EZH2: variants seen among roughly 807,000 people sequenced by gnomAD.
The protein encoded by EZH2 is histone-lysine N-methyltransferase EZH2.
Under a neutral mutation model 98.4 loss-of-function variants are expected in EZH2, and 18 were observed. That is an observed-to-expected ratio of 0.18 (90% CI 0.13 to 0.27). The LOEUF is 0.27. EZH2 is among the 10% of genes least tolerant of loss of function. The pLI, the probability that EZH2 is intolerant of heterozygous loss-of-function variation, is 1.00. For missense variants in EZH2, 470 were observed against 935.1 expected, an observed-to-expected ratio of 0.50 and a Z score of 6.49; for synonymous variants, 338 against 312.3, an observed-to-expected ratio of 1.08 and a Z score of -0.87.
rs779600590 is a variant in EZH2 at position 148,822,507 on chromosome 7, CAA to C, written c.908-2822_908-2821del. 2.1e-3 allele frequency among the ~76,000 whole-genome samples: 225 copies of C among 108,126 alleles called. 3 individuals are homozygous for C. Among genetic ancestry groups the C allele is most frequent in the African/African-American group, 6.9e-3 (200 of 29,022 alleles). The allele number at this position is 108,126 out of a possible 152,430, so 70.9% of individuals were successfully genotyped here. On this transcript the variant is annotated intron_variant, in intron 8 of 19. Coordinates refer to ENST00000320356, the MANE Select transcript of EZH2 (RefSeq NM_004456.5). ...CCTGAGCGACAGAGCAAGACTGTCT[CAA>C]AAAAAAAAAAAAGTTTAAACTTTGC...
At chr7:148,825,339 A>G (rs1372405933) in intron 8 of EZH2, among the ~76,000 whole-genome samples, 1 of 152,262 alleles carries the variant, frequency 6.6e-6, no homozygotes, top group Non-Finnish European at 1.5e-5. Flanking sequence ...AAATCAATTT[A>G]AACTAGATGA....
chr7:148,825,906 A>G (rs1807548587), intron 8 of EZH2, among the ~76,000 whole-genome samples: 1 of 152,220 alleles, frequency 6.6e-6, no homozygotes, highest in African/African-American at 2.4e-5. Flanking sequence ...CACATTCCCT[A>G]GAAATGCCAG....
At chr7:148,808,119 C>T (rs570043847) in intron 19 of EZH2, among the ~76,000 whole-genome samples, 6 of 152,302 alleles carry the variant, frequency 3.9e-5, no homozygotes, top group East Asian at 1.9e-4. Flanking sequence ...AAGAGCAGCC[C>T]GCCAGTTGCT....
At chr7:148,861,973 A>AGC (rs982753017) in intron 1 of EZH2, among the ~76,000 whole-genome samples, 10 of 152,204 alleles carry the variant, frequency 6.6e-5, no homozygotes, top group African/African-American at 2.2e-4. Context: ...AAACATACTT[A>AGC]GCTTAGAAAA....
intron 1 of EZH2, among the ~76,000 whole-genome samples, chr7:148,860,980 T>A (rs1053692983): frequency 1.3e-5 from 2 of 152,078 alleles, no homozygotes; most frequent in African/African-American, 4.8e-5. Context: ...GCCTGTTTTT[T>A]ATTTTTATTA....
At chr7:148,858,542 AG>A (rs1185784800) in intron 1 of EZH2, among the ~76,000 whole-genome samples, 1 of 151,976 alleles carries the variant, frequency 6.6e-6, no homozygotes, top group African/African-American at 2.4e-5. Flanking sequence ...TTTTTTTGGA[AG>A]GGACAAGGTC....
chr7:148,827,253 G>A lies in EZH2; in HGVS notation c.639C>T (p.Arg213=), dbSNP rs2129475810. The A allele has an allele frequency of 6.2e-7, 1 of 1,613,434 alleles. No individual in the cohort carries two copies. Among genetic ancestry groups the A allele is most frequent in the Non-Finnish European group, 8.5e-7 (1 of 1,179,724 alleles). ...TATCAGAAGGAAATTTCCGAGGTGGGCGGCTTTCTTTATCTAAACAGGAGA... is the reference window on the plus strand; with the variant it reads ...TATCAGAAGGAAATTTCCGAGGTGGACGGCTTTCTTTATCTAAACAGGAGA... The part of the protein sequence containing the change: ...LEDHRDDKES[R]PPRKFPSDKI... Residue 213 remains arginine, a synonymous_variant, in exon 7 of 20, where the codon CGC becomes CGT. Transcript: ENST00000320356.
In EZH2 at chr7:148,880,872, T is replaced by C. The variant is rs375754902; in HGVS notation, c.-8+3292A>G. 4.6e-5 allele frequency among the ~76,000 whole-genome samples: 7 copies of C among 152,320 alleles called. No individual in the cohort carries two copies. In the East Asian group the frequency reaches 9.6e-4, roughly 21 times the overall value. ...ACAGAGCCTCTACCAGGAGGCACTT[T>C]GACTGTAGGGAAGAGAGGGATGCAT... On this transcript the variant is annotated intron_variant, in intron 1 of 19. Coordinates refer to ENST00000320356, the MANE Select transcript of EZH2 (RefSeq NM_004456.5).
intron 1 of EZH2, among the ~76,000 whole-genome samples, chr7:148,850,725 T>C (rs1585187052): frequency 6.6e-6 from 1 of 152,168 alleles, no homozygotes; most frequent in East Asian, 1.9e-4. Flanking sequence ...CTGATAATTG[T>C]ACAGTAGTCC....
intron 9 of EZH2, 45 bp from the exon 10 acceptor site, chr7:148,818,162 C>A: frequency 6.7e-7 from 1 of 1,500,006 alleles, no homozygotes; most frequent in South Asian, 1.4e-5. Flanking sequence ...TTCTAAAACT[C>A]ATTTTGATGG....
At chr7:148,830,015 C>CT (rs1459815394) in intron 4 of EZH2, among the ~76,000 whole-genome samples, 167 bp from the exon 5 acceptor site, 1 of 152,046 alleles carries the variant, frequency 6.6e-6, no homozygotes, top group Non-Finnish European at 1.5e-5. Context: ...TAAAAGACCC[C>CT]TCTCACCAAT....
At chr7:148,842,900 T>C (rs1812834603) in intron 3 of EZH2, among the ~76,000 whole-genome samples, 1 of 151,702 alleles carries the variant, frequency 6.6e-6, no homozygotes, top group Non-Finnish European at 1.5e-5. Flanking sequence ...ACCCTGTCTC[T>C]ACAAAATAAT....
At chr7:148,880,409 T>C (rs1820789732) in intron 1 of EZH2, among the ~76,000 whole-genome samples, 1 of 152,182 alleles carries the variant, frequency 6.6e-6, no homozygotes, top group Non-Finnish European at 1.5e-5. Context: ...AGTTAAAAGA[T>C]CTACTACCCT....
intron 1 of EZH2, among the ~76,000 whole-genome samples, chr7:148,853,531 C>T (rs939856757): frequency 6.6e-6 from 1 of 152,176 alleles, no homozygotes; most frequent in African/African-American, 2.4e-5. Flanking sequence ...TGACAGGAGG[C>T]GGAGCTCACC....
chr7:148,879,428 C>T (rs992788635), intron 1 of EZH2, among the ~76,000 whole-genome samples: 3 of 151,852 alleles, frequency 2.0e-5, no homozygotes, highest in African/African-American at 4.8e-5. Context: ...CAGTGACTGA[C>T]GCCTGTAATC....
chr7:148,812,868 C>G (rs1264140119), intron 15 of EZH2, among the ~76,000 whole-genome samples: 2 of 152,160 alleles, frequency 1.3e-5, no homozygotes, highest in East Asian at 1.9e-4. Flanking sequence ...AAAAGCCCAC[C>G]ACCCTGCACA....
chr7:148,807,502 A>AACTC lies in EZH2; in HGVS notation c.*140_*143dup, dbSNP rs1801779638. ...GAAGGCAATAAAAAGTTGATTTTTA[A>AACTC]ACTCATTACTATAAATTATTCTTAC... is the stretch of plus-strand genomic sequence containing the variant. On this transcript the variant is annotated 3_prime_UTR_variant, in exon 20 of 20. Transcript: ENST00000320356. 2 of 684,998 alleles carry AACTC rather than the reference A, an allele frequency of 2.9e-6. No individual in the cohort carries two copies. Among genetic ancestry groups the AACTC allele is most frequent in the Non-Finnish European group, 5.0e-6 (2 of 400,088 alleles). 42.4% of individuals were successfully genotyped at this position (684,998 alleles called of 1,614,324 possible).
rs1484617559 is a variant in EZH2, at chr7:148,836,923, T to C, written c.247-4173A>G. The C allele has an allele frequency of 7.8e-6, 4 of 512,448 alleles. No individual in the cohort carries two copies. In the Admixed American group the frequency reaches 9.1e-5, roughly 12 times the overall value. The allele number at this position is 512,448 out of a possible 1,614,324, so 31.7% of individuals were successfully genotyped here. A position where few individuals can be genotyped will look rare whatever the true frequency, so the allele number is the denominator to read the frequency against. On this transcript the variant is annotated intron_variant, in intron 3 of 19. Coordinates refer to ENST00000320356, the MANE Select transcript of EZH2 (RefSeq NM_004456.5). ...TAGTTGTAGGAGTACACAACCAAAC[T>C]GAGACTCTTGGCAGAAGGCTGGTTC...
chr7:148,856,033 T>C (rs973283068), intron 1 of EZH2, among the ~76,000 whole-genome samples: 6 of 151,930 alleles, frequency 3.9e-5, no homozygotes, highest in African/African-American at 1.5e-4. Context: ...GTAAACTGTA[T>C]GCAAATAAAA....
Sources: gnomAD v4.1 joint callset for allele counts (sites outside exome capture counted in the v4.1 genomes callset) on GRCh38, gnomAD v4.1.1 for gene constraint, MANE v1.5 for transcripts, NCBI Gene and HGNC (gene_info 2026-07-23, HGNC 2026-07-21) for gene names.